Variants in KHDRBS2 observed in about 807,000 individuals in gnomAD.
The protein encoded by KHDRBS2 is KH RNA binding domain containing, signal transduction associated 2.
In KHDRBS2, 26 loss-of-function variants were observed where a neutral mutation model predicts 44.3. That is an observed-to-expected ratio of 0.59 (90% CI 0.43 to 0.81). The LOEUF is 0.81. KHDRBS2 is among the 40% of genes least tolerant of loss of function. The pLI, the probability that KHDRBS2 is intolerant of heterozygous loss-of-function variation, is 0.00. For synonymous variants in KHDRBS2, 194 were observed against 151.1 expected (o/e 1.28, Z -2.08); for missense variants, 476 against 433.1 (o/e 1.10, Z -0.88).
chr6:61,678,785 A>G (rs928469924), downstream of KHDRBS2: 1 of 151,920 alleles, frequency 6.6e-6, no homozygotes, highest in Non-Finnish European at 1.5e-5. Flanking sequence ...TAGTTCAACA[A>G]GTGGCATTAG....
intron 3 of KHDRBS2, among the ~76,000 whole-genome samples, chr6:62,029,086 A>T (rs1783881914): frequency 6.6e-6 from 1 of 152,042 alleles, no homozygotes; most frequent in African/African-American, 2.4e-5. Context: ...AGTTAACTGT[A>T]GTTATGAATT....
chr6:62,097,191 G>T (rs1460335120), intron 2 of KHDRBS2, among the ~76,000 whole-genome samples: 1 of 151,620 alleles, frequency 6.6e-6, no homozygotes, highest in African/African-American at 2.4e-5. Context: ...GTTGAGTAGA[G>T]TGCGTATTCT....
chr6:62,105,321 A>G (rs1802933531), intron 2 of KHDRBS2, among the ~76,000 whole-genome samples: 1 of 152,226 alleles, frequency 6.6e-6, no homozygotes, highest in East Asian at 1.9e-4. Context: ...GAAAATTCAC[A>G]CAAATATCCC....
At chr6:61,659,823 T>A in the KHDRBS2 span, among the ~76,000 whole-genome samples, 1 of 151,886 alleles carries the variant, frequency 6.6e-6, no homozygotes, top group African/African-American at 2.4e-5. Context: ...CAGACCTTCG[T>A]CTGGATTAAG....
At chr6:61,604,980 C>T in the KHDRBS2 span, among the ~76,000 whole-genome samples, 5 of 152,088 alleles carry the variant, frequency 3.3e-5, no homozygotes, top group African/African-American at 1.2e-4. Flanking sequence ...TTCAGTGGAA[C>T]CTTCATACTC....
At chr6:62,091,446 A>G (rs1799483322) in intron 2 of KHDRBS2, among the ~76,000 whole-genome samples, 1 of 152,142 alleles carries the variant, frequency 6.6e-6, no homozygotes, top group Non-Finnish European at 1.5e-5. Context: ...GTTTAATAGA[A>G]AGCTACCAAA....
At chr6:61,772,367 T>C (rs74630127) in intron 6 of KHDRBS2, among the ~76,000 whole-genome samples, 1 of 152,032 alleles carries the variant, frequency 6.6e-6, no homozygotes, top group Non-Finnish European at 1.5e-5. Context: ...TTCAAAAAAT[T>C]AATGAATCCA....
intron 7 of KHDRBS2, among the ~76,000 whole-genome samples, chr6:61,728,597 T>C (rs1773951715): frequency 6.6e-6 from 1 of 152,200 alleles, no homozygotes; most frequent in Admixed American, 6.6e-5. Flanking sequence ...TGTACAGCCA[T>C]TAAAGATTAT....
At chr6:61,751,860 T>C (rs1777744127) in intron 6 of KHDRBS2, among the ~76,000 whole-genome samples, 1 of 151,680 alleles carries the variant, frequency 6.6e-6, no homozygotes, top group South Asian at 2.1e-4. Context: ...GTTTGATTTC[T>C]TCTGAGACCT....
chr6:62,046,430 A>G (rs780563298), intron 3 of KHDRBS2, among the ~76,000 whole-genome samples: 1 of 152,002 alleles, frequency 6.6e-6, no homozygotes, highest in Non-Finnish European at 1.5e-5. Context: ...ATGTTAAGTG[A>G]TAAAAGAGTA....
At chr6:61,892,350 C>T (rs929878826) in intron 6 of KHDRBS2, among the ~76,000 whole-genome samples, 6 of 152,146 alleles carry the variant, frequency 3.9e-5, no homozygotes, top group Admixed American at 3.3e-4. Context: ...AGATTCAATG[C>T]CATCCCCATC....
At chr6:61,987,319 C>T (rs1365365144) in intron 3 of KHDRBS2, among the ~76,000 whole-genome samples, 10 of 152,074 alleles carry the variant, frequency 6.6e-5, no homozygotes, top group African/African-American at 2.4e-4. Flanking sequence ...CTTCTAAAAT[C>T]CCAATTAATT....
chr6:61,630,322 G>A, the KHDRBS2 span: 4 of 152,002 alleles, frequency 2.6e-5, no homozygotes, highest in East Asian at 5.8e-4. Context: ...AGTTGACCTC[G>A]GGAGTGAGCC....
chr6:62,038,809 A>G (rs556959651), intron 3 of KHDRBS2, among the ~76,000 whole-genome samples: 1 of 152,080 alleles, frequency 6.6e-6, no homozygotes, highest in African/African-American at 2.4e-5. Context: ...TTCTAAAACC[A>G]TACAAATAAT....
At chr6:61,676,704 G>A (rs1386758166), downstream of KHDRBS2, among the ~76,000 whole-genome samples, 17 of 151,794 alleles carry the variant, frequency 1.1e-4, no homozygotes, top group Admixed American at 1.1e-3. Context: ...GAGTGGTGTG[G>A]ACAACTCTGT....
At chr6:61,864,097 TGG>T (rs1211202645) in intron 6 of KHDRBS2, among the ~76,000 whole-genome samples, 5 of 152,170 alleles carry the variant, frequency 3.3e-5, no homozygotes, top group African/African-American at 9.7e-5. Context: ...TATCAGAAAC[TGG>T]GATTGCGATC....
At chr6:62,034,068 G>A (rs537483214) in intron 3 of KHDRBS2, among the ~76,000 whole-genome samples, 3 of 151,672 alleles carry the variant, frequency 2.0e-5, no homozygotes, top group African/African-American at 7.2e-5. Context: ...AAATCTAGAA[G>A]AAATGAACAA....
chr6:62,080,934 T>A (rs1797273561), intron 2 of KHDRBS2, among the ~76,000 whole-genome samples: 1 of 152,094 alleles, frequency 6.6e-6, no homozygotes, highest in South Asian at 2.1e-4. Flanking sequence ...GCTTATGGTC[T>A]CTCTTCCTTT....
chr6:61,776,031 G>A (rs142721791), intron 6 of KHDRBS2, among the ~76,000 whole-genome samples: 34,694 of 152,070 alleles, frequency 0.23, 4,637 homozygotes, highest in South Asian at 0.35. Context: ...AGAAAAACAA[G>A]TAATGGGGAA....
Sources: gnomAD v4.1 joint callset for allele counts (sites outside exome capture counted in the v4.1 genomes callset) on GRCh38, gnomAD v4.1.1 for gene constraint, MANE v1.5 for transcripts, NCBI Gene and HGNC (gene_info 2026-07-23, HGNC 2026-07-21) for gene names.